SLC4A5: variants seen among roughly 807,000 people sequenced by gnomAD.
SLC4A5 encodes solute carrier family 4 member 5, also known as electrogenic sodium bicarbonate cotransporter 4.
A neutral mutation model predicts 120.4 loss-of-function variants in SLC4A5; 96 were observed. That is an observed-to-expected ratio of 0.80 (90% CI 0.68 to 0.94). SLC4A5 has a LOEUF of 0.94. Among genes scored for constraint, SLC4A5 ranks in the 40% least tolerant of loss-of-function variants. SLC4A5 has a pLI of 0.00. For synonymous variants in SLC4A5, 550 were observed against 571.1 expected (o/e 0.96, Z 0.53); for missense variants, 1,259 against 1,459.5 (o/e 0.86, Z 2.24).
At chr2:74,313,215 T>C (rs541021391) in intron 6 of SLC4A5, among the ~76,000 whole-genome samples, 1 of 152,288 alleles carries the variant, frequency 6.6e-6, no homozygotes, top group South Asian at 2.1e-4. Context: ...GCACTTTATA[T>C]GATTCTGTTT....
chr2:74,217,085 G>A (rs756607907), exon 31 of SLC4A5: 7 of 152,156 alleles, frequency 4.6e-5, no homozygotes, highest in African/African-American at 9.7e-5. Flanking sequence ...TACACTAGAC[G>A]CTGGGAATTA....
At chr2:74,264,042 G>C (rs1172199919) in intron 10 of SLC4A5, 105 bp downstream of exon 10, 1 of 1,425,916 alleles carries the variant, frequency 7.0e-7, no homozygotes, top group Middle Eastern at 2.6e-4. Context: ...CAGAACATCA[G>C]AATTTCTCCA....
intron 12 of SLC4A5, among the ~76,000 whole-genome samples, chr2:74,257,068 T>C (rs1378258905): frequency 6.6e-6 from 1 of 152,152 alleles, no homozygotes; most frequent in Non-Finnish European, 1.5e-5. Flanking sequence ...CCTGTCCCTG[T>C]GGAGGGGTCA....
At chr2:74,288,559 A>G (rs973743951) in intron 7 of SLC4A5, among the ~76,000 whole-genome samples, 4 of 152,122 alleles carry the variant, frequency 2.6e-5, no homozygotes, top group East Asian at 1.9e-4. Flanking sequence ...TTCTCTCTCA[A>G]TATCTTTCCC....
At chr2:74,239,172 G>T (rs551650931) in intron 21 of SLC4A5, among the ~76,000 whole-genome samples, 163 bp downstream of exon 21, 2 of 152,238 alleles carry the variant, frequency 1.3e-5, no homozygotes, top group South Asian at 4.2e-4. Flanking sequence ...GTTGTCAAGG[G>T]GACCAGCCAA....
At chr2:74,283,816 C>T (rs1671889652) in intron 8 of SLC4A5, among the ~76,000 whole-genome samples, 1 of 151,784 alleles carries the variant, frequency 6.6e-6, no homozygotes, top group Non-Finnish European at 1.5e-5. Flanking sequence ...TAGAGCTACA[C>T]TCGACCTGAC....
chr2:74,316,321 T>TAAAAAAAAA (rs60481743), intron 5 of SLC4A5, among the ~76,000 whole-genome samples: 1 of 51,168 alleles, frequency 2.0e-5, no homozygotes, highest in African/African-American at 6.1e-5. Context: ...AAAAGAGTTG[T>TAAAAAAAAA]AAAAAAAAAA....
At chr2:74,331,209 G>A (rs1408920347) in intron 4 of SLC4A5, among the ~76,000 whole-genome samples, 1 of 151,284 alleles carries the variant, frequency 6.6e-6, no homozygotes, top group African/African-American at 2.4e-5. Context: ...TTTAGGTGTG[G>A]GTGGTGAGGT....
chr2:74,295,089 C>T (rs775583754), intron 7 of SLC4A5, among the ~76,000 whole-genome samples: 4 of 151,536 alleles, frequency 2.6e-5, no homozygotes, highest in South Asian at 2.1e-4. Flanking sequence ...TGAGAGAGAC[C>T]GAGGTAAATC....
At chr2:74,267,394 C>T (rs1360662871) in intron 8 of SLC4A5, among the ~76,000 whole-genome samples, 3 of 152,236 alleles carry the variant, frequency 2.0e-5, no homozygotes, top group Admixed American at 6.5e-5. Flanking sequence ...GAACTGGAAA[C>T]CACCAGGTTT....
chr2:74,261,779 C>T (rs1328877453), intron 11 of SLC4A5, among the ~76,000 whole-genome samples: 1 of 152,194 alleles, frequency 6.6e-6, no homozygotes, highest in Admixed American at 6.5e-5. Flanking sequence ...AGGACCTTGC[C>T]TGTTTTTGAT....
exon 31 of SLC4A5, chr2:74,218,570 T>G (rs1694514477): frequency 6.6e-6 from 1 of 152,550 alleles, no homozygotes; most frequent in African/African-American, 2.4e-5. Context: ...GTTAAGACCC[T>G]CCCAGTGAAG....
chr2:74,235,695 A>G (rs919188045), intron 21 of SLC4A5, among the ~76,000 whole-genome samples: 2 of 152,132 alleles, frequency 1.3e-5, no homozygotes, highest in African/African-American at 2.4e-5. Flanking sequence ...AGGCTCCCCA[A>G]TTCCACTGGG....
At chr2:74,240,748 T>C (rs895987) in intron 20 of SLC4A5, among the ~76,000 whole-genome samples, 97,216 of 150,644 alleles carry the variant, frequency 0.65, 32,704 homozygotes, top group African/African-American at 0.84. Flanking sequence ...CCAGCCTGGG[T>C]AACAGAGCAA....
At chr2:74,226,241 C>T (rs1694837872) in intron 27 of SLC4A5, among the ~76,000 whole-genome samples, 1 of 152,190 alleles carries the variant, frequency 6.6e-6, no homozygotes, top group Non-Finnish European at 1.5e-5. Flanking sequence ...AAGTTCTCCT[C>T]AGTGTCCTTA....
Position 74,255,887 on chromosome 2 carries a change from A to C in SLC4A5, c.913T>G (p.Ser305Ala). ...TCCACCTCGCCCACGAGCACGTTGG[A>C]CGCTTCTGAGTCCTTGGGGATCTTC... The change falls in exon 13 of 31, where the codon TCC becomes GCC. Residue 305 changes from serine (S) to alanine (A), a missense_variant. Physicochemically the swap from Ser to Ala is moderately conservative, Grantham distance 99 (BLOSUM62 1). Coordinates refer to ENST00000394019, the Ensembl canonical transcript of SLC4A5. This position sits in a 1 kb window ranked among gnomAD's most constrained non-coding sequence, Gnocchi z 4.0. 6.2e-7 allele frequency: 1 copy of C among 1,614,138 alleles called. No individual in the cohort carries two copies. Among genetic ancestry groups the C allele is most frequent in the African/African-American group, 1.3e-5 (1 of 75,032 alleles).
chr2:74,278,841 A>G (rs1265004202), intron 8 of SLC4A5, among the ~76,000 whole-genome samples: 1 of 152,110 alleles, frequency 6.6e-6, no homozygotes, highest in Non-Finnish European at 1.5e-5. Flanking sequence ...TCCATGTGTG[A>G]CTCCACTGCA....
At chr2:74,254,438 G>A (rs1469197553) in intron 14 of SLC4A5, among the ~76,000 whole-genome samples, 181 bp downstream of exon 14, 2 of 152,206 alleles carry the variant, frequency 1.3e-5, no homozygotes, top group East Asian at 3.8e-4. Flanking sequence ...CCTCACACTT[G>A]ATTGGTTCTC....
chr2:74,266,190 A>T (rs1245533083), intron 8 of SLC4A5, among the ~76,000 whole-genome samples: 1 of 152,214 alleles, frequency 6.6e-6, no homozygotes, highest in African/African-American at 2.4e-5. Context: ...TCAGTAATTA[A>T]AGCGGTGTGA....
Sources: allele counts gnomAD v4.1 joint callset (sites outside exome capture counted in the v4.1 genomes callset), GRCh38; gene constraint gnomAD v4.1.1; non-coding constraint Gnocchi (gnomAD v3.1); transcripts MANE v1.5; gene names NCBI Gene and HGNC (gene_info 2026-07-23, HGNC 2026-07-21).